GMDS: variants seen among roughly 807,000 people sequenced by gnomAD.
GMDS encodes the protein GDP-mannose 4,6 dehydratase.
GMDS carries 20 observed loss-of-function variants against 49.9 expected under a neutral mutation model. That is an observed-to-expected ratio of 0.40 (90% confidence interval 0.28 to 0.58). GMDS has a LOEUF of 0.58. GMDS is among the 20% of genes least tolerant of loss of function. The pLI is 0.42. For synonymous variants in GMDS, 177 were observed against 178.6 expected (o/e 0.99, Z 0.07); for missense variants, 362 against 481.4 (o/e 0.75, Z 2.32).
chr6:1,908,170 C>A (rs1465170180), intron 7 of GMDS, among the ~76,000 whole-genome samples: 1 of 152,104 alleles, frequency 6.6e-6, no homozygotes, highest in Non-Finnish European at 1.5e-5. Flanking sequence ...GGGGATCCAC[C>A]GGACAAAGGA....
intron 1 of GMDS, among the ~76,000 whole-genome samples, chr6:2,194,112 C>T (rs532637504): frequency 6.6e-5 from 10 of 152,186 alleles, no homozygotes; most frequent in Admixed American, 1.3e-4. Context: ...TTAGGTAGTT[C>T]CCATGCCTCA....
chr6:2,222,807 T>C (rs1330077775), intron 1 of GMDS, among the ~76,000 whole-genome samples: 1 of 152,162 alleles, frequency 6.6e-6, no homozygotes, highest in Non-Finnish European at 1.5e-5. Flanking sequence ...GTGTGCTAAC[T>C]AGGATATGCC....
intron 1 of GMDS, among the ~76,000 whole-genome samples, chr6:2,180,454 T>C (rs1778470051): frequency 6.6e-6 from 1 of 152,202 alleles, no homozygotes; most frequent in Non-Finnish European, 1.5e-5. Context: ...AAAAAAATGG[T>C]TAGCAAACAT....
intron 4 of GMDS, among the ~76,000 whole-genome samples, chr6:2,013,139 A>G (rs1483481015): frequency 6.6e-6 from 1 of 152,236 alleles, no homozygotes; most frequent in East Asian, 1.9e-4. Context: ...CAGGGCTTCC[A>G]TATAGTAAGA....
intron 9 of GMDS, among the ~76,000 whole-genome samples, chr6:1,660,510 G>A (rs138266993): frequency 1.9e-4 from 29 of 151,984 alleles, no homozygotes; most frequent in African/African-American, 5.1e-4. Flanking sequence ...CGGAGAGGCC[G>A]GGGAGGAGAA....
intron 7 of GMDS, among the ~76,000 whole-genome samples, chr6:1,916,483 A>G (rs1296877035): frequency 6.6e-6 from 1 of 151,948 alleles, no homozygotes; most frequent in Non-Finnish European, 1.5e-5. Context: ...GAAAGGAGGG[A>G]AAGGGAAGAG....
chr6:1,750,194 CTTAACT>C (rs1561779871), intron 7 of GMDS, among the ~76,000 whole-genome samples: 1 of 152,098 alleles, frequency 6.6e-6, no homozygotes, highest in Non-Finnish European at 1.5e-5. Context: ...GAAGTTTCCT[CTTAACT>C]TTATTATTTT....
chr6:2,058,214 C>T (rs1770890830), intron 4 of GMDS, among the ~76,000 whole-genome samples: 1 of 151,834 alleles, frequency 6.6e-6, no homozygotes, highest in African/African-American at 2.4e-5. Flanking sequence ...AAAAATCAGC[C>T]AGGCGTGGTG....
rs1203736884 is a variant in GMDS, at chr6:2,115,865, T to C, written c.251A>G (p.Tyr84Cys). ...AHIEGNMKLH[Y>C]GDLTDSTCLV... The stretch of plus-strand genomic sequence containing the variant: ...GCAGGTACTGTCAGTGAGATCGCCA[T>C]AGTGCAACTTCATGTCTTCAGGATA... Residue 84 changes from tyrosine (Y) to cysteine (C), a missense_variant, in exon 4 of 11, where the codon TAT (tyrosine) becomes TGT (cysteine). Coordinates refer to ENST00000380815, the MANE Select transcript of GMDS (RefSeq NM_001500.4). 5 of 1,586,432 alleles carry C rather than the reference T, an allele frequency of 3.2e-6. No individual in the cohort carries two copies. Among genetic ancestry groups the C allele is most frequent in the African/African-American group, 1.3e-5 (1 of 74,372 alleles).
chr6:1,701,520 G>C (rs767692248), intron 9 of GMDS, among the ~76,000 whole-genome samples: 1 of 152,036 alleles, frequency 6.6e-6, no homozygotes, highest in Non-Finnish European at 1.5e-5. Context: ...AATTAGGGCA[G>C]TGTTTGAGCT....
At position 2,125,276 on chromosome 6, in the gene GMDS, A is replaced by G. The variant is rs913761923; in HGVS notation, c.103-545T>C. The stretch of plus-strand genomic sequence containing the variant: ...AACACAGTGAGACCTTAGCACTGTT[A>G]AAACAAAACAAAACAAAACAAAACA... On this transcript the variant is annotated intron_variant, in intron 1 of 10. Coordinates refer to ENST00000380815, the MANE Select transcript of GMDS (RefSeq NM_001500.4). 1.6e-4 allele frequency among the ~76,000 whole-genome samples: 20 copies of G among 123,282 alleles called. 1 individual carries two copies. Among genetic ancestry groups the G allele is most frequent in the South Asian group, 4.2e-4 (2 of 4,718 alleles). The allele number at this position is 123,282 out of a possible 152,430, so 80.9% of individuals were successfully genotyped here.
chr6:2,244,474 TG>T (rs1454874767), intron 1 of GMDS, among the ~76,000 whole-genome samples: 1 of 151,968 alleles, frequency 6.6e-6, no homozygotes, highest in Non-Finnish European at 1.5e-5. Flanking sequence ...CAGCAATATG[TG>T]GGCACGATTA....
chr6:1,859,419 G>A (rs1393162904), intron 7 of GMDS, among the ~76,000 whole-genome samples: 2 of 152,154 alleles, frequency 1.3e-5, no homozygotes, highest in Non-Finnish European at 2.9e-5. Context: ...AGTAATACAA[G>A]AAATTCATTC....
intron 7 of GMDS, among the ~76,000 whole-genome samples, chr6:1,851,625 G>A (rs1757677351): frequency 6.6e-6 from 1 of 152,116 alleles, no homozygotes; most frequent in African/African-American, 2.4e-5. Flanking sequence ...CTATAAATGT[G>A]GGCCAGCTAA....
At chr6:1,897,488 A>T (rs1760262626) in intron 7 of GMDS, among the ~76,000 whole-genome samples, 1 of 152,162 alleles carries the variant, frequency 6.6e-6, no homozygotes, top group Non-Finnish European at 1.5e-5. Context: ...GGTTGAGAGC[A>T]TGGTTAAATT....
At chr6:1,876,753 G>A (rs552023860) in intron 7 of GMDS, among the ~76,000 whole-genome samples, 290 of 152,236 alleles carry the variant, frequency 1.9e-3, no homozygotes, top group Middle Eastern at 0.014. Flanking sequence ...TTAGTTCAAC[G>A]AACTTTTATT....
rs371366315 is a variant in GMDS at position 2,202,185 on chromosome 6, A to C, written c.102+43136T>G. ...AGAGAGAGCACCACATGGACATCCG[A>C]GATGTAACCATCTAGGCAGTGAGGG... On this transcript the variant is annotated intron_variant, in intron 1 of 10. Transcript: ENST00000380815. Among the ~76,000 whole-genome samples, 299 of 145,884 alleles carry C rather than the reference A, an allele frequency of 2.0e-3. 3 individuals are homozygous for C. In the Middle Eastern group the frequency reaches 0.045, roughly 22 times the overall value.
rs377711432 is a variant in GMDS at position 2,165,942 on chromosome 6, A to G, written c.103-41211T>C. On this transcript the variant is annotated intron_variant, in intron 1 of 10. Coordinates refer to ENST00000380815, the MANE Select transcript of GMDS (RefSeq NM_001500.4). ...GTAGACTTGACAAAGGTAAAAAAAT[A>G]AAGATAAAAAAAAGAATCAAGGCAA... is the stretch of plus-strand genomic sequence containing the variant. Among the ~76,000 whole-genome samples, 61 of 152,276 alleles carry G rather than the reference A, an allele frequency of 4.0e-4. 1 individual carries two copies. In the South Asian group the frequency reaches 0.013, roughly 32 times the overall value.
chr6:2,058,208 A>G (rs145352833), intron 4 of GMDS, among the ~76,000 whole-genome samples: 1,904 of 152,144 alleles, frequency 0.013, 42 homozygotes, highest in African/African-American at 0.044. Context: ...AAATACAAAA[A>G]TCAGCCAGGC....
Sources: allele counts gnomAD v4.1 joint callset (sites outside exome capture counted in the v4.1 genomes callset), GRCh38; gene constraint gnomAD v4.1.1; transcripts MANE v1.5; gene names NCBI Gene and HGNC (gene_info 2026-07-23, HGNC 2026-07-21).